Variants in RCAN3 observed in about 807,000 individuals in gnomAD.
RCAN3 encodes regulator of calcineurin 3.
Under a neutral mutation model 21.9 loss-of-function variants are expected in RCAN3, and 19 were observed. The ratio of observed to expected loss-of-function variants is 0.87; its 90% CI spans 0.61 to 1.27. The LOEUF is 1.27. RCAN3 is among the 50% of genes most tolerant of loss of function. The pLI is 0.00. For missense variants in RCAN3, 240 were observed against 300.1 expected (o/e 0.80, Z 1.48); for synonymous variants, 114 against 112.3 (o/e 1.01, Z -0.09).
chr1:24,506,770 T>A (rs1038688119), intron 1 of RCAN3, among the ~76,000 whole-genome samples: 1 of 151,866 alleles, frequency 6.6e-6, no homozygotes, highest in Non-Finnish European at 1.5e-5. Context: ...TTTTTTTTTT[T>A]AAGTCAGGTG....
At chr1:24,510,161 T>C (rs1647762323) in intron 1 of RCAN3, among the ~76,000 whole-genome samples, 1 of 152,206 alleles carries the variant, frequency 6.6e-6, no homozygotes, top group Non-Finnish European at 1.5e-5. Context: ...AGAGTAGATT[T>C]AGCACAATTC....
At chr1:24,524,831 T>G (rs898617574) in intron 2 of RCAN3, among the ~76,000 whole-genome samples, 1 of 108,242 alleles carries the variant, frequency 9.2e-6, no homozygotes, top group Non-Finnish European at 2.1e-5. Context: ...TTCTTTTGTT[T>G]TTTTTTTTTT....
chr1:24,518,418 T>C (rs935818848), intron 2 of RCAN3, among the ~76,000 whole-genome samples: 2 of 152,216 alleles, frequency 1.3e-5, no homozygotes, highest in Non-Finnish European at 2.9e-5. Context: ...GGACTTATCT[T>C]TCAATGTATA....
chr1:24,522,652 C>T (rs1441170925), intron 2 of RCAN3, among the ~76,000 whole-genome samples: 1 of 152,164 alleles, frequency 6.6e-6, no homozygotes, highest in African/African-American at 2.4e-5. Context: ...GGTCACTTCC[C>T]AAAACAAACA....
At chr1:24,511,343 A>C (rs1006627629) in intron 1 of RCAN3, among the ~76,000 whole-genome samples, 1 of 152,132 alleles carries the variant, frequency 6.6e-6, no homozygotes, top group African/African-American at 2.4e-5. Flanking sequence ...CAAAAAAACA[A>C]AACATCCACA....
chr1:24,503,642 A>G (rs149442952), intron 1 of RCAN3, among the ~76,000 whole-genome samples: 5 of 152,378 alleles, frequency 3.3e-5, no homozygotes, highest in Admixed American at 6.5e-5. Context: ...CTGGACAGGT[A>G]GGGCAGGAGT....
intron 1 of RCAN3, among the ~76,000 whole-genome samples, chr1:24,508,194 T>C (rs1255067514): frequency 1.3e-5 from 2 of 152,226 alleles, no homozygotes; most frequent in Non-Finnish European, 2.9e-5. Flanking sequence ...TAAATTTGAA[T>C]GTACCCATAT....
In RCAN3 at chr1:24,531,294, G is replaced by A; in HGVS notation, c.272G>A (p.Arg91Lys). The A allele has an allele frequency of 6.2e-7, 1 of 1,613,688 alleles. No homozygotes were observed. Among genetic ancestry groups the A allele is most frequent in the Non-Finnish European group, 8.5e-7 (1 of 1,179,800 alleles). ...FQLFKSFRRV[R>K]INFSKPEAAA... ...CTGTTTAAAAGCTTTAGAAGAGTCA[G>A]AATAAATTTCAGCAAACCTGAAGCG... Residue 91 changes from arginine to lysine, a missense_variant, in exon 3 of 5, where the codon AGA (arginine) becomes AAA (lysine). Physicochemically the swap from Arg to Lys is conservative, Grantham distance 26. Coordinates refer to ENST00000374395, the MANE Select transcript of RCAN3 (RefSeq NM_013441.4).
chr1:24,524,086 G>A (rs1403767801), intron 2 of RCAN3, among the ~76,000 whole-genome samples: 1 of 152,016 alleles, frequency 6.6e-6, no homozygotes, highest in East Asian at 1.9e-4. Flanking sequence ...AGTGAGTTGG[G>A]CATAGTGGTG....
At chr1:24,522,948 G>A (rs1648935325) in intron 2 of RCAN3, among the ~76,000 whole-genome samples, 2 of 152,018 alleles carry the variant, frequency 1.3e-5, no homozygotes, top group Admixed American at 6.6e-5. Flanking sequence ...CATTTTCCAC[G>A]AAATCTGTAA....
rs1383796166 is a variant in RCAN3 at position 24,502,844 on chromosome 1, AGGGGACGAGGC to A, written c.-362_-352del. On this transcript the variant is annotated 5_prime_UTR_variant, in exon 1 of 5. Coordinates refer to ENST00000374395, the MANE Select transcript of RCAN3 (RefSeq NM_013441.4). ...CGTGCGCGCGCCCTGCCAGAACAGG[AGGGGACGAGGC>A]GGGCGCGCGGCGCCGGCAGCCTAGC... 1.3e-5 allele frequency: 2 copies of A among 150,012 alleles called. No homozygotes were observed. Among genetic ancestry groups the A allele is most frequent in the East Asian group, 3.9e-4 (2 of 5,090 alleles). The allele number at this position is 150,012 out of a possible 1,614,324, so 9.3% of individuals were successfully genotyped here.
intron 2 of RCAN3, among the ~76,000 whole-genome samples, chr1:24,529,461 G>A (rs572164481): frequency 6.7e-6 from 1 of 149,426 alleles, no homozygotes; most frequent in African/African-American, 2.5e-5. Flanking sequence ...AAGTAGGGGC[G>A]GGTGGCTTGA....
intron 2 of RCAN3, among the ~76,000 whole-genome samples, chr1:24,530,296 A>G (rs954825817): frequency 6.8e-5 from 10 of 146,140 alleles, no homozygotes; most frequent in African/African-American, 2.3e-4. Context: ...TTGAGGCTGC[A>G]GTGAGCCAAG....
Position 24,525,226 on chromosome 1 carries a change from C to A in RCAN3, c.196-5992C>A, listed in dbSNP as rs1485069183. Among the ~76,000 whole-genome samples the A allele has an allele frequency of 6.6e-6, 1 of 152,058 alleles. No homozygotes were observed. The highest frequency in any genetic ancestry group is 2.4e-5 in the African/African-American group (1 of 41,404). ...TTTCCACTTTTCTCCTTTACTGATG[C>A]CTATTATCCAGCTGTCAAGCACTCT... is the stretch of plus-strand genomic sequence containing the variant. On this transcript the variant is annotated intron_variant, in intron 2 of 4. Transcript: ENST00000374395. This position sits in a 1 kb window ranked among gnomAD's most constrained non-coding sequence, Gnocchi z 4.1.
intron 1 of RCAN3, among the ~76,000 whole-genome samples, chr1:24,506,629 A>G (rs1357596427): frequency 6.6e-6 from 1 of 151,954 alleles, no homozygotes; most frequent in African/African-American, 2.4e-5. Flanking sequence ...ACTCTGGGTA[A>G]AGGATACAGC....
At chr1:24,511,327 A>G (rs1434340258) in intron 1 of RCAN3, among the ~76,000 whole-genome samples, 2 of 152,144 alleles carry the variant, frequency 1.3e-5, no homozygotes, top group Non-Finnish European at 2.9e-5. Flanking sequence ...ACAAAACAAA[A>G]CAAAACAAAA....
chr1:24,507,569 A>G (rs1409656391), intron 1 of RCAN3: 1 of 152,256 alleles, frequency 6.6e-6, no homozygotes, highest in Non-Finnish European at 1.5e-5. Context: ...ATGTAAGTGT[A>G]TAACAGAAAA....
chr1:24,514,603 C>G, intron 2 of RCAN3, 36 bp downstream of exon 2: 1 of 1,576,820 alleles, frequency 6.3e-7, no homozygotes, highest in East Asian at 2.2e-5. Context: ...ACATTTGTAG[C>G]ATGTTAAATG....
At chr1:24,518,795 A>G (rs984184111) in intron 2 of RCAN3, among the ~76,000 whole-genome samples, 6 of 150,916 alleles carry the variant, frequency 4.0e-5, no homozygotes, top group African/African-American at 1.5e-4. Context: ...TATTTTGGAG[A>G]TGGAGTCTCA....
Sources: gnomAD v4.1 joint callset for allele counts (sites outside exome capture counted in the v4.1 genomes callset) on GRCh38, gnomAD v4.1.1 for gene constraint, Gnocchi (gnomAD v3.1) non-coding constraint, MANE v1.5 for transcripts, NCBI Gene and HGNC (gene_info 2026-07-23, HGNC 2026-07-21) for gene names.